The following NFIA variants were observed in gnomAD, a reference collection of about 807,000 sequenced individuals.
NFIA encodes nuclear factor 1 A-type.
A neutral mutation model predicts 62.8 loss-of-function variants in NFIA; 8 were observed. The ratio of observed to expected loss-of-function variants is 0.13; its 90% CI spans 0.07 to 0.23. The LOEUF is 0.23. Among genes scored for constraint, NFIA ranks in the 10% least tolerant of loss-of-function variants. The pLI is 1.00. For synonymous variants in NFIA, 235 were observed against 238.1 expected (o/e 0.99, Z 0.12); for missense variants, 410 against 642.1 (o/e 0.64, Z 3.91).
At chr1:61,204,294 T>C (rs376970119) in intron 2 of NFIA, among the ~76,000 whole-genome samples, 154 of 152,328 alleles carry the variant, frequency 1.0e-3, no homozygotes, top group African/African-American at 3.5e-3. Context: ...TTGAGCCAGT[T>C]AGCTGGTGGA....
At chr1:61,380,678 A>T (rs1163141704) in intron 6 of NFIA, among the ~76,000 whole-genome samples, 1 of 152,162 alleles carries the variant, frequency 6.6e-6, no homozygotes, top group East Asian at 1.9e-4. Context: ...GCTCAATACG[A>T]ACTCTTTAAA....
intron 2 of NFIA, among the ~76,000 whole-genome samples, chr1:61,167,232 A>G (rs939370236): frequency 7.9e-5 from 12 of 152,288 alleles, no homozygotes; most frequent in African/African-American, 2.9e-4. Context: ...TTTAAGCAAT[A>G]TCTCAATCTG....
At chr1:61,153,505 G>A (rs1557601345) in intron 2 of NFIA, among the ~76,000 whole-genome samples, 1 of 152,072 alleles carries the variant, frequency 6.6e-6, no homozygotes. Flanking sequence ...ACACTGCATT[G>A]GTTAATAACT....
At chr1:61,283,724 T>C (rs1490049675) in intron 3 of NFIA, among the ~76,000 whole-genome samples, 1 of 152,008 alleles carries the variant, frequency 6.6e-6, no homozygotes, top group East Asian at 1.9e-4. Context: ...TTAAAAATTG[T>C]GGGCCTTCTT....
At chr1:61,127,090 G>A (rs1469432820) in intron 2 of NFIA, among the ~76,000 whole-genome samples, 3 of 151,276 alleles carry the variant, frequency 2.0e-5, no homozygotes, top group African/African-American at 7.3e-5. Context: ...AACCCAGGAG[G>A]TGGAGGTTGC....
intron 6 of NFIA, among the ~76,000 whole-genome samples, chr1:61,366,632 A>G (rs1328399658): frequency 6.6e-6 from 1 of 152,194 alleles, no homozygotes; most frequent in Non-Finnish European, 1.5e-5. Flanking sequence ...GTCAAAATTA[A>G]GTACTTTAGG....
At chr1:61,246,122 A>G (rs1030966191) in intron 2 of NFIA, among the ~76,000 whole-genome samples, 2 of 152,218 alleles carry the variant, frequency 1.3e-5, no homozygotes, top group African/African-American at 4.8e-5. Flanking sequence ...ATGGAAGTGA[A>G]CTATTTTATT....
At chr1:61,077,464 A>G, upstream of NFIA, 1 of 543,320 alleles carries the variant, frequency 1.8e-6, no homozygotes, top group Non-Finnish European at 2.9e-6. Flanking sequence ...AAATTCTCCA[A>G]GAAGCCTGCA....
chr1:61,361,283 C>T (rs1663276416), intron 6 of NFIA, among the ~76,000 whole-genome samples: 3 of 152,312 alleles, frequency 2.0e-5, no homozygotes, highest in Admixed American at 1.3e-4. Flanking sequence ...AAAATGCTGA[C>T]TCTCACTGCC....
chr1:61,184,148 AAAAAC>A (rs889249109), intron 2 of NFIA, among the ~76,000 whole-genome samples: 1 of 151,548 alleles, frequency 6.6e-6, no homozygotes, highest in African/African-American at 2.4e-5. Flanking sequence ...AAAAACCCAA[AAAAAC>A]AAAACAAAAC....
chr1:61,236,815 C>T (rs1472828302), intron 2 of NFIA, among the ~76,000 whole-genome samples: 1 of 152,104 alleles, frequency 6.6e-6, no homozygotes, highest in Non-Finnish European at 1.5e-5. Flanking sequence ...GCCCAAAGAG[C>T]TATGGCAATC....
At chr1:61,340,083 GTGAGAGTTCTC>G (rs1661817943) in intron 4 of NFIA, among the ~76,000 whole-genome samples, 9 of 152,310 alleles carry the variant, frequency 5.9e-5, no homozygotes, top group Admixed American at 4.6e-4. Flanking sequence ...AGAGCTGGCA[GTGAGAGTTCTC>G]ATGGCAGAAT....
At chr1:61,288,461 T>G (rs1658650909) in intron 3 of NFIA, among the ~76,000 whole-genome samples, 1 of 152,160 alleles carries the variant, frequency 6.6e-6, no homozygotes, top group African/African-American at 2.4e-5. Flanking sequence ...AAAAGAATAG[T>G]GTTCACAGAT....
chr1:61,396,289 A>C (rs1252642068), intron 7 of NFIA, among the ~76,000 whole-genome samples: 1 of 152,172 alleles, frequency 6.6e-6, no homozygotes, highest in Non-Finnish European at 1.5e-5. Flanking sequence ...TCTGTCACCC[A>C]GGCTAGAGTG....
intron 7 of NFIA, among the ~76,000 whole-genome samples, chr1:61,400,985 A>C (rs566421213): frequency 1.3e-5 from 2 of 151,966 alleles, no homozygotes; most frequent in Non-Finnish European, 2.9e-5. Context: ...GTCTGGTAGA[A>C]GAGGAATAGC....
At chr1:61,404,076 A>G (rs776320038) in intron 7 of NFIA, 28 bp from the exon 8 acceptor site, 2 of 1,611,254 alleles carry the variant, frequency 1.2e-6, no homozygotes, top group South Asian at 2.2e-5. Flanking sequence ...CTTTCTTTTC[A>G]TAACCCTGAT....
chr1:61,209,794 G>A (rs1338354708), intron 2 of NFIA, among the ~76,000 whole-genome samples: 1 of 152,134 alleles, frequency 6.6e-6, no homozygotes, highest in African/African-American at 2.4e-5. Context: ...GGAAGTTACA[G>A]TAAGCAGAGA....
chr1:61,417,291 A>G (rs200280552), intron 9 of NFIA, among the ~76,000 whole-genome samples: 4 of 120,078 alleles, frequency 3.3e-5, no homozygotes, highest in Non-Finnish European at 3.7e-5. Context: ...GTGTGTGTGT[A>G]TACACATATA....
At chr1:61,233,858 G>C (rs1013922449) in intron 2 of NFIA, among the ~76,000 whole-genome samples, 1 of 152,154 alleles carries the variant, frequency 6.6e-6, no homozygotes, top group African/African-American at 2.4e-5. Context: ...TTGGCCATGG[G>C]TCAGTGTATC....
Sources: gnomAD v4.1 joint callset for allele counts (sites outside exome capture counted in the v4.1 genomes callset) on GRCh38, gnomAD v4.1.1 for gene constraint, MANE v1.5 for transcripts, NCBI Gene and HGNC (gene_info 2026-07-23, HGNC 2026-07-21) for gene names.